RGS7: variants seen among roughly 807,000 people sequenced by gnomAD.
RGS7 encodes regulator of G-protein signaling 7.
In RGS7, 27 loss-of-function variants were observed where a neutral mutation model predicts 81.1. The observed-to-expected ratio is 0.33, with a 90% CI of 0.25 to 0.46. The LOEUF (loss-of-function observed/expected upper bound fraction) is 0.46, where lower values mean the gene tolerates loss of function less well. Among genes scored for constraint, RGS7 ranks in the 20% least tolerant of loss-of-function variants. The probability of loss-of-function intolerance (pLI) is 1.00; values close to 1 mark genes in which losing one functional copy is unlikely to be tolerated. For missense variants in RGS7, 396 were observed against 607.4 expected, an observed-to-expected ratio of 0.65 and a Z score of 3.66; for synonymous variants, 208 against 207.7, an observed-to-expected ratio of 1.00 and a Z score of -0.01.
At chr1:240,950,798 G>A (rs1679421893) in intron 4 of RGS7, among the ~76,000 whole-genome samples, 1 of 152,104 alleles carries the variant, frequency 6.6e-6, no homozygotes, top group Non-Finnish European at 1.5e-5. Flanking sequence ...GGAATTTGAA[G>A]CTTCTGTCAT....
intron 3 of RGS7, chr1:240,998,832 G>A (rs1047481741): frequency 1.7e-6 from 1 of 576,132 alleles, no homozygotes; most frequent in African/African-American, 1.9e-5. Flanking sequence ...GCCGGACGCG[G>A]ATGGACCGAG....
intron 6 of RGS7, among the ~76,000 whole-genome samples, chr1:240,900,575 C>T (rs1168240347): frequency 6.6e-6 from 1 of 152,112 alleles, no homozygotes; most frequent in Non-Finnish European, 1.5e-5. Context: ...ACCCTGTTTG[C>T]CTGGGTATCA....
chr1:241,122,139 C>T (rs376332547), intron 2 of RGS7, among the ~76,000 whole-genome samples: 3 of 152,164 alleles, frequency 2.0e-5, no homozygotes, highest in South Asian at 2.1e-4. Flanking sequence ...AGTAAGTTCA[C>T]GCAAAAGTAA....
chr1:240,906,440 T>C (rs563790859), intron 6 of RGS7, among the ~76,000 whole-genome samples: 95 of 152,290 alleles, frequency 6.2e-4, no homozygotes, highest in African/African-American at 2.2e-3. Flanking sequence ...ATTGGAACAG[T>C]CACTTGGGCA....
At chr1:241,068,662 C>G (rs2500237) in intron 3 of RGS7, among the ~76,000 whole-genome samples, 148,271 of 152,124 alleles carry the variant, frequency 0.97, 72,369 homozygotes, top group East Asian at 1. Context: ...TTTCTCGAGA[C>G]AGACTTGGAA....
chr1:241,175,384 G>A (rs1285692175), intron 2 of RGS7, among the ~76,000 whole-genome samples: 1 of 152,096 alleles, frequency 6.6e-6, no homozygotes, highest in Non-Finnish European at 1.5e-5. Context: ...CACAGATTTG[G>A]ATGGGACTTG....
rs554074103 is a variant in RGS7, at chr1:241,330,211, T to A, written c.78+25488A>T. Among the ~76,000 whole-genome samples the A allele has an allele frequency of 6.6e-5, 10 of 152,320 alleles. No homozygotes were observed. The East Asian group carries it at 1.9e-3, about 29-fold the overall frequency. On this transcript the variant is annotated intron_variant, in intron 2 of 18. Coordinates refer to ENST00000440928, the MANE Select transcript of RGS7 (RefSeq NM_001364886.1). Reference sequence around the variant, plus strand: ...GCCTCAGCCTCCCAAAGTGCTGGGATTACAGGCGTGAGCCACCCCGCCCGG... The same window carrying A: ...GCCTCAGCCTCCCAAAGTGCTGGGAATACAGGCGTGAGCCACCCCGCCCGG...
chr1:241,316,636 T>C (rs1272120931), intron 2 of RGS7, among the ~76,000 whole-genome samples: 1 of 152,216 alleles, frequency 6.6e-6, no homozygotes, highest in Non-Finnish European at 1.5e-5. Context: ...ATGATCCTTT[T>C]AATGACCTGG....
At chr1:241,116,064 C>T (rs769635484) in intron 2 of RGS7, among the ~76,000 whole-genome samples, 1 of 152,096 alleles carries the variant, frequency 6.6e-6, no homozygotes, top group Non-Finnish European at 1.5e-5. Context: ...TTTCCTGAGG[C>T]CTCCCAGTCA....
At chr1:241,003,014 T>C (rs1395381210) in intron 3 of RGS7, among the ~76,000 whole-genome samples, 1 of 152,252 alleles carries the variant, frequency 6.6e-6, no homozygotes, top group Non-Finnish European at 1.5e-5. Context: ...ACAATACTTA[T>C]AAATTTATAG....
rs1394855324 is a variant in RGS7 at position 240,868,107 on chromosome 1, GA to G, written c.609+479del. On this transcript the variant is annotated intron_variant, in intron 9 of 18. Transcript: ENST00000440928. This position sits in a 1 kb window ranked among gnomAD's most constrained non-coding sequence, Gnocchi z 5.1. ...GAAAAAGAAAGAAAAGAAAAAGAAA[GA>G]AAAGAAAAGGAAAGAAAGAAAGAAA... Among the ~76,000 whole-genome samples the G allele has an allele frequency of 7.9e-5, 8 of 100,854 alleles. No individual in the cohort carries two copies. The highest frequency in any genetic ancestry group is 1.5e-4 in the African/African-American group (4 of 26,834). 66.2% of individuals were successfully genotyped at this position (100,854 alleles called of 152,430 possible).
chr1:240,811,124 T>C (rs1009930065), intron 14 of RGS7, among the ~76,000 whole-genome samples: 5 of 152,150 alleles, frequency 3.3e-5, no homozygotes, highest in Non-Finnish European at 7.4e-5. Context: ...TTTCAGTAAA[T>C]GAATTTTACA....
intron 2 of RGS7, among the ~76,000 whole-genome samples, chr1:241,352,649 C>G (rs933122980): frequency 2.0e-5 from 3 of 152,176 alleles, no homozygotes; most frequent in Admixed American, 1.3e-4. Context: ...TCACCTGTAC[C>G]CTTCAATAGG....
chr1:241,290,085 T>C (rs780204229), intron 2 of RGS7, among the ~76,000 whole-genome samples: 73 of 152,228 alleles, frequency 4.8e-4, no homozygotes, highest in Non-Finnish European at 1.0e-3. Flanking sequence ...GTGGTATACA[T>C]GCATGCAAAT....
intron 2 of RGS7, among the ~76,000 whole-genome samples, chr1:241,133,869 A>G (rs2067294746): frequency 6.6e-6 from 1 of 152,202 alleles, no homozygotes; most frequent in South Asian, 2.1e-4. Context: ...ATGTGAAAGA[A>G]TTCAAAAACT....
intron 2 of RGS7, among the ~76,000 whole-genome samples, chr1:241,297,349 A>C (rs778449438): frequency 1.2e-4 from 18 of 152,252 alleles, no homozygotes; most frequent in Non-Finnish European, 2.2e-4. Flanking sequence ...TGAAGAAGAT[A>C]TGATGAGTGT....
chr1:241,288,240 T>A (rs2078922436), intron 2 of RGS7, among the ~76,000 whole-genome samples: 1 of 152,186 alleles, frequency 6.6e-6, no homozygotes, highest in Non-Finnish European at 1.5e-5. Context: ...GCTGGTAGTG[T>A]CTCTATTTTA....
chr1:241,258,018 A>C (rs996082571), intron 2 of RGS7, among the ~76,000 whole-genome samples: 1 of 152,164 alleles, frequency 6.6e-6, no homozygotes, highest in African/African-American at 2.4e-5. Context: ...CCAACCTCCT[A>C]AAAACTTAGC....
chr1:240,834,843 GC>G (rs1694449101), intron 9 of RGS7, among the ~76,000 whole-genome samples: 1 of 151,836 alleles, frequency 6.6e-6, no homozygotes, highest in East Asian at 1.9e-4. Flanking sequence ...ATAATTGGAA[GC>G]CACTGGAGAG....
Sources: gnomAD v4.1 joint callset for allele counts (sites outside exome capture counted in the v4.1 genomes callset) on GRCh38, gnomAD v4.1.1 for gene constraint, Gnocchi (gnomAD v3.1) non-coding constraint, MANE v1.5 for transcripts, NCBI Gene and HGNC (gene_info 2026-07-23, HGNC 2026-07-21) for gene names.